FSTL5: variants seen among roughly 807,000 people sequenced by gnomAD.
FSTL5 encodes follistatin-related protein 5.
A neutral mutation model predicts 89.1 loss-of-function variants in FSTL5; 62 were observed. The ratio of observed to expected loss-of-function variants is 0.70; its 90% CI spans 0.57 to 0.86. The LOEUF (loss-of-function observed/expected upper bound fraction) is 0.86, where lower values mean the gene tolerates loss of function less well. FSTL5 is among the 40% of genes least tolerant of loss of function. The pLI is 0.00. For missense variants in FSTL5, 1,057 were observed against 1,001.6 expected, an observed-to-expected ratio of 1.06 and a Z score of -0.75; for synonymous variants, 383 against 346.2, an observed-to-expected ratio of 1.11 and a Z score of -1.18.
Position 161,835,289 on chromosome 4 carries a change from T to C in FSTL5, c.410-59215A>G, listed in dbSNP as rs1378691447. On this transcript the variant is annotated intron_variant, in intron 4 of 15. Coordinates refer to ENST00000306100, the MANE Select transcript of FSTL5 (RefSeq NM_020116.5). Reference sequence around the variant, plus strand: ...AACTGGATCCCTTCCTTACACCTTATACAAAAATTAATTCAAGATGGATTA... The same window carrying C: ...AACTGGATCCCTTCCTTACACCTTACACAAAAATTAATTCAAGATGGATTA... Among the ~76,000 whole-genome samples the C allele has an allele frequency of 2.6e-5, 4 of 152,050 alleles. No homozygotes were observed. In the East Asian group the frequency reaches 7.7e-4, roughly 29 times the overall value.
intron 13 of FSTL5, among the ~76,000 whole-genome samples, chr4:161,464,201 C>T (rs1420703230): frequency 6.6e-6 from 1 of 152,170 alleles, no homozygotes; most frequent in East Asian, 1.9e-4. Flanking sequence ...TGACACCTCC[C>T]CAGTCTTCTC....
chr4:161,770,262 G>A (rs1046937399), intron 5 of FSTL5, among the ~76,000 whole-genome samples: 1 of 151,840 alleles, frequency 6.6e-6, no homozygotes, highest in Non-Finnish European at 1.5e-5. Context: ...TGGTCAATGG[G>A]TAATGAATAA....
At chr4:161,746,509 T>G (rs933704779) in intron 6 of FSTL5, among the ~76,000 whole-genome samples, 2 of 152,090 alleles carry the variant, frequency 1.3e-5, no homozygotes, top group African/African-American at 4.8e-5. Context: ...ACTGTAGCAT[T>G]TGACAATATC....
chr4:162,035,728 G>C (rs2111204247), intron 2 of FSTL5, among the ~76,000 whole-genome samples: 1 of 152,146 alleles, frequency 6.6e-6, no homozygotes. Flanking sequence ...ATTAAGAATA[G>C]GTTGAAAGGG....
rs192552993 is a variant in FSTL5, at chr4:161,867,073, T to C, written c.409+53331A>G. On this transcript the variant is annotated intron_variant, in intron 4 of 15. Coordinates refer to ENST00000306100, the MANE Select transcript of FSTL5 (RefSeq NM_020116.5). ...TTGTTAATTCAAAGATAAAGGAAAA[T>C]AGAATGATATATTCAGAGCCTCAGT... Among the ~76,000 whole-genome samples, 6 of 152,086 alleles carry C rather than the reference T, an allele frequency of 3.9e-5. No individual in the cohort carries two copies. In the East Asian group the frequency reaches 5.8e-4, roughly 15 times the overall value.
At chr4:161,551,469 A>G (rs1180879136) in intron 8 of FSTL5, among the ~76,000 whole-genome samples, 2 of 151,766 alleles carry the variant, frequency 1.3e-5, no homozygotes, top group African/African-American at 2.4e-5. Flanking sequence ...AGTTCATTGT[A>G]GATTCTGGAT....
At chr4:161,489,863 G>C (rs2126467681) in intron 12 of FSTL5, among the ~76,000 whole-genome samples, 1 of 152,152 alleles carries the variant, frequency 6.6e-6, no homozygotes, top group Admixed American at 6.5e-5. Context: ...AGGGAGTTTA[G>C]GATACTTTGT....
At chr4:161,558,425 AT>A (rs1461362548) in intron 8 of FSTL5, among the ~76,000 whole-genome samples, 5 of 151,906 alleles carry the variant, frequency 3.3e-5, no homozygotes, top group African/African-American at 1.2e-4. Flanking sequence ...TTATCTCAAA[AT>A]TAAAAAGTGT....
chr4:161,665,752 T>A (rs1015947351), intron 6 of FSTL5, among the ~76,000 whole-genome samples: 102 of 152,038 alleles, frequency 6.7e-4, no homozygotes, highest in African/African-American at 2.3e-3. Flanking sequence ...AACAGAAGAA[T>A]GAACATGCAT....
At chr4:161,939,228 A>T (rs1275600130) in intron 3 of FSTL5, among the ~76,000 whole-genome samples, 1 of 151,946 alleles carries the variant, frequency 6.6e-6, no homozygotes, top group East Asian at 1.9e-4. Flanking sequence ...TTAAAAAATA[A>T]GCTTCTCTGA....
At chr4:161,694,914 A>T (rs994878938) in intron 6 of FSTL5, among the ~76,000 whole-genome samples, 4 of 148,422 alleles carry the variant, frequency 2.7e-5, no homozygotes, top group Non-Finnish European at 5.9e-5. Context: ...TCTTTATTCA[A>T]TTATCACTCC....
At chr4:162,100,034 G>T (rs1029942075) in intron 2 of FSTL5, among the ~76,000 whole-genome samples, 1 of 152,110 alleles carries the variant, frequency 6.6e-6, no homozygotes, top group Non-Finnish European at 1.5e-5. Context: ...CTAAACATAT[G>T]TTGACCATAT....
intron 6 of FSTL5, among the ~76,000 whole-genome samples, chr4:161,696,998 T>C (rs1429146813): frequency 6.6e-6 from 1 of 152,046 alleles, no homozygotes; most frequent in Non-Finnish European, 1.5e-5. Flanking sequence ...TGAAGAGGAG[T>C]GGTGGGAGTG....
chr4:161,938,301 A>G (rs533376477), intron 3 of FSTL5, among the ~76,000 whole-genome samples: 1 of 152,240 alleles, frequency 6.6e-6, no homozygotes, highest in South Asian at 2.1e-4. Context: ...TGATCTTGAT[A>G]AGGGCATAAG....
chr4:161,420,178 C>A (rs1217229613), intron 15 of FSTL5, among the ~76,000 whole-genome samples: 1 of 152,184 alleles, frequency 6.6e-6, no homozygotes, highest in Non-Finnish European at 1.5e-5. Flanking sequence ...ATAGACTCTC[C>A]AGGAACCAAA....
At chr4:161,707,294 A>C (rs1009042108) in intron 6 of FSTL5, among the ~76,000 whole-genome samples, 1 of 151,918 alleles carries the variant, frequency 6.6e-6, no homozygotes, top group African/African-American at 2.4e-5. Flanking sequence ...TTTCTTGGAC[A>C]AATTCCTATT....
chr4:161,814,813 C>A (rs1306725976), intron 4 of FSTL5, among the ~76,000 whole-genome samples: 1 of 152,002 alleles, frequency 6.6e-6, no homozygotes, highest in African/African-American at 2.4e-5. Flanking sequence ...ATAAGATAGG[C>A]CTTTATTAAT....
At chr4:161,894,122 T>A (rs939321282) in intron 4 of FSTL5, among the ~76,000 whole-genome samples, 16 of 152,180 alleles carry the variant, frequency 1.1e-4, no homozygotes, top group Non-Finnish European at 2.4e-4. Flanking sequence ...ATTTATCTAA[T>A]TTAACATTAT....
At chr4:161,863,953 T>G (rs1019682348) in intron 4 of FSTL5, among the ~76,000 whole-genome samples, 7 of 152,248 alleles carry the variant, frequency 4.6e-5, no homozygotes, top group African/African-American at 1.7e-4. Context: ...TGTTTGTTCT[T>G]GTCATTGTCT....
Sources: gnomAD v4.1 joint callset for allele counts (sites outside exome capture counted in the v4.1 genomes callset) on GRCh38, gnomAD v4.1.1 for gene constraint, MANE v1.5 for transcripts, NCBI Gene and HGNC (gene_info 2026-07-23, HGNC 2026-07-21) for gene names.